Variants in GPR39 observed in about 807,000 individuals in gnomAD.
GPR39 encodes the protein G protein-coupled receptor 39.
In GPR39, 23 loss-of-function variants were observed where a neutral mutation model predicts 18.4. The observed-to-expected ratio is 1.25, with a 90% confidence interval of 0.90 to 1.77. GPR39 has a LOEUF of 1.77. GPR39 is among the 40% of genes most tolerant of loss of function. The pLI is 0.00. For synonymous variants in GPR39, 280 were observed against 257.9 expected (o/e 1.09, Z -0.82); for missense variants, 647 against 602.4 (o/e 1.07, Z -0.78).
intron 1 of GPR39, among the ~76,000 whole-genome samples, chr2:132,539,052 C>T (rs1212687738): frequency 6.6e-6 from 1 of 152,154 alleles, no homozygotes; most frequent in East Asian, 1.9e-4. Flanking sequence ...GCTTCAGCCC[C>T]CTTTCCAGGG....
At chr2:132,579,071 C>A (rs568229391) in intron 1 of GPR39, among the ~76,000 whole-genome samples, 1 of 151,260 alleles carries the variant, frequency 6.6e-6, no homozygotes. Context: ...ATTTGAGACT[C>A]TTCCTCTTTT....
At chr2:132,600,971 G>A (rs1681033246) in intron 1 of GPR39, among the ~76,000 whole-genome samples, 1 of 152,092 alleles carries the variant, frequency 6.6e-6, no homozygotes. Flanking sequence ...CATCTCCAGT[G>A]TCCAGAATAT....
intron 1 of GPR39, among the ~76,000 whole-genome samples, chr2:132,427,915 TTAAA>T (rs894349113): frequency 5.5e-5 from 8 of 146,418 alleles, no homozygotes; most frequent in Admixed American, 3.4e-4. Flanking sequence ...AAAATTATAT[TTAAA>T]TATATATATT....
At chr2:132,531,802 G>T (rs887634583) in intron 1 of GPR39, among the ~76,000 whole-genome samples, 3 of 152,162 alleles carry the variant, frequency 2.0e-5, no homozygotes, top group African/African-American at 7.2e-5. Context: ...TGAAACCAAT[G>T]AGAACAAAGA....
chr2:132,421,472 T>A (rs1680007387), intron 1 of GPR39, among the ~76,000 whole-genome samples: 1 of 152,170 alleles, frequency 6.6e-6, no homozygotes, highest in Non-Finnish European at 1.5e-5. Flanking sequence ...ATGAGGTTAT[T>A]AAATAAAAGA....
chr2:132,631,466 T>C (rs1205468082), intron 1 of GPR39, among the ~76,000 whole-genome samples: 1 of 152,208 alleles, frequency 6.6e-6, no homozygotes, highest in East Asian at 1.9e-4. Flanking sequence ...CTCAAAACCC[T>C]ATCTTAGAAG....
chr2:132,509,905 AGAG>A (rs1242116772), intron 1 of GPR39, among the ~76,000 whole-genome samples: 1 of 152,200 alleles, frequency 6.6e-6, no homozygotes, highest in Non-Finnish European at 1.5e-5. Context: ...CAAAGCTCAG[AGAG>A]GAGAGGACTG....
chr2:132,511,783 A>C (rs949180644), intron 1 of GPR39, among the ~76,000 whole-genome samples: 2 of 152,210 alleles, frequency 1.3e-5, no homozygotes, highest in African/African-American at 4.8e-5. Context: ...TAACTCTACC[A>C]ACCACTCTGT....
intron 1 of GPR39, among the ~76,000 whole-genome samples, chr2:132,575,528 C>T (rs1680514821): frequency 6.6e-6 from 1 of 152,200 alleles, no homozygotes; most frequent in Non-Finnish European, 1.5e-5. Context: ...AACTGTGAAA[C>T]TGTTTTCCAG....
intron 1 of GPR39, among the ~76,000 whole-genome samples, chr2:132,486,253 C>A (rs992952572): frequency 1.3e-5 from 2 of 152,170 alleles, no homozygotes; most frequent in African/African-American, 4.8e-5. Context: ...AGAACACAGA[C>A]AAAGTAGATT....
chr2:132,574,999 T>C (rs1376003900), intron 1 of GPR39, among the ~76,000 whole-genome samples: 6 of 152,222 alleles, frequency 3.9e-5, no homozygotes, highest in African/African-American at 1.4e-4. Flanking sequence ...TAGTCAGAAC[T>C]TTCTTCTGCA....
At chr2:132,556,290 G>T (rs910725318) in intron 1 of GPR39, among the ~76,000 whole-genome samples, 7 of 152,126 alleles carry the variant, frequency 4.6e-5, no homozygotes, top group South Asian at 2.1e-4. Flanking sequence ...TGGTATGCTG[G>T]CAAACTGGCT....
At chr2:132,511,220 T>C (rs1389374290) in intron 1 of GPR39, among the ~76,000 whole-genome samples, 3 of 152,174 alleles carry the variant, frequency 2.0e-5, no homozygotes, top group Non-Finnish European at 2.9e-5. Context: ...ATAGATTCAG[T>C]CTCCAAACCA....
At chr2:132,458,571 G>T (rs771547896) in intron 1 of GPR39, among the ~76,000 whole-genome samples, 1 of 150,208 alleles carries the variant, frequency 6.7e-6, no homozygotes, top group Non-Finnish European at 1.5e-5. Flanking sequence ...CATGGCAATA[G>T]TTCTCTGCTG....
intron 1 of GPR39, among the ~76,000 whole-genome samples, chr2:132,510,347 T>G (rs979479272): frequency 6.6e-6 from 1 of 152,104 alleles, no homozygotes; most frequent in African/African-American, 2.4e-5. Context: ...CTCCCCAGGC[T>G]CGGGAAAGCT....
intron 1 of GPR39, among the ~76,000 whole-genome samples, chr2:132,624,237 G>A (rs1009534148): frequency 1.3e-5 from 2 of 152,102 alleles, no homozygotes; most frequent in African/African-American, 2.4e-5. Flanking sequence ...CCTCTTGTCT[G>A]TGCATGTCTG....
At chr2:132,443,520 G>A (rs563923788) in intron 1 of GPR39, among the ~76,000 whole-genome samples, 14 of 152,236 alleles carry the variant, frequency 9.2e-5, no homozygotes, top group East Asian at 7.7e-4. Flanking sequence ...TTGCCCAACC[G>A]TAGGCTAATA....
At chr2:132,492,438 TATAC>T (rs1245376558) in intron 1 of GPR39, among the ~76,000 whole-genome samples, 1 of 143,166 alleles carries the variant, frequency 7.0e-6, no homozygotes, top group Admixed American at 7.1e-5. Flanking sequence ...ACACCATATA[TATAC>T]ACCATATATA....
chr2:132,482,553 A>G (rs1253450936), intron 1 of GPR39, among the ~76,000 whole-genome samples: 1 of 152,182 alleles, frequency 6.6e-6, no homozygotes, highest in Non-Finnish European at 1.5e-5. Context: ...AGCAGTTCAG[A>G]TTCAAGAGAA....
Sources: allele counts gnomAD v4.1 joint callset (sites outside exome capture counted in the v4.1 genomes callset), GRCh38; gene constraint gnomAD v4.1.1; transcripts MANE v1.5; gene names NCBI Gene and HGNC (gene_info 2026-07-23, HGNC 2026-07-21).